PDIA2: variants seen among roughly 807,000 people sequenced by gnomAD.
The protein encoded by PDIA2 is protein disulfide isomerase family A member 2, also known as protein disulfide-isomerase A2.
PDIA2 carries 76 observed loss-of-function variants against 51.1 expected under a neutral mutation model. That is an observed-to-expected ratio of 1.49 (90% CI 1.24 to 1.80). The LOEUF is 1.80. Ranked by LOEUF, PDIA2 falls within the 40% of genes most tolerant of loss-of-function variation. The pLI is 0.00. For missense variants in PDIA2, 946 were observed against 706.5 expected, an observed-to-expected ratio of 1.34 and a Z score of -3.84; for synonymous variants, 429 against 309.9, an observed-to-expected ratio of 1.38 and a Z score of -4.04.
In PDIA2 at chr16:286,764, G is replaced by A. The variant is rs768077231; in HGVS notation, c.1422+29G>A. 5 of 1,612,496 alleles carry A rather than the reference G, an allele frequency of 3.1e-6. No individual in the cohort carries two copies. The African/African-American group carries it at 6.7e-5, about 22-fold the overall frequency. On this transcript the variant is annotated intron_variant, in intron 9 of 10. Coordinates refer to ENST00000219406, the MANE Select transcript of PDIA2 (RefSeq NM_006849.4). The stretch of plus-strand genomic sequence containing the variant: ...TGGCGGACAGGTGGCTGGGGAGGAA[G>A]CCGGGGTGCCATCTTGCTGGGCATG...
rs775911556 is a variant in PDIA2 at position 284,562 on chromosome 16, T to C, written c.375T>C (p.Asn125=). 1.9e-6 allele frequency: 3 copies of C among 1,612,692 alleles called. No homozygotes were observed. The highest frequency in any genetic ancestry group is 1.7e-5 in the Admixed American group (1 of 59,974). ...ACCCTACGCTCAAGTTCTTCCGCAA[T>C]GGGAACCGCACGCACCCGGAGGAGT... The part of the protein sequence containing the change: ...TEYPTLKFFR[N]GNRTHPEEYT... Residue 125 remains asparagine (N), a synonymous_variant, in exon 2 of 11, where the codon AAT becomes AAC. Coordinates refer to ENST00000219406, the MANE Select transcript of PDIA2 (RefSeq NM_006849.4).
chr16:284,419 GCCC>G lies in PDIA2; in HGVS notation c.235_237del (p.Pro79del), dbSNP rs769802899. On this transcript the variant is annotated inframe_deletion, in exon 2 of 11. Coordinates refer to ENST00000219406, the MANE Select transcript of PDIA2 (RefSeq NM_006849.4). ...GTGGTGTGGGCACTGCCAGGCCCTG[GCCC>G]CCGAGTACAGCAAGGCAGCTGCCGT... The G allele has an allele frequency of 1.3e-6, 2 of 1,578,040 alleles. No homozygotes were observed. The highest frequency in any genetic ancestry group is 1.2e-5 in the South Asian group (1 of 86,848).
At position 284,947 on chromosome 16, in the gene PDIA2, C is replaced by T. The variant is rs1347526797; in HGVS notation, c.610C>T (p.Leu204Phe). Residue 204 changes from leucine (L) to phenylalanine (F), a missense_variant, in exon 4 of 11, where the codon CTC becomes TTC. By Grantham distance (22) the Leu-to-Phe change is conservative. Coordinates refer to ENST00000219406, the MANE Select transcript of PDIA2 (RefSeq NM_006849.4). ...GGACGCCCTGGACATGACCTTTGGC[C>T]TCACAGACCGGCCGCGGCTCTTTCA... ...AQDALDMTFGLTDRPRLFQQF... is the reference protein window; with the variant it reads ...AQDALDMTFGFTDRPRLFQQF... The T allele has an allele frequency of 1.2e-6, 2 of 1,613,266 alleles. No homozygotes were observed. The highest frequency in any genetic ancestry group is 1.1e-5 in the South Asian group (1 of 91,090).
At chr16:285,466 C>T (rs373558015) in intron 6 of PDIA2, 29 bp downstream of exon 6, 27 of 1,611,138 alleles carry the variant, frequency 1.7e-5, no homozygotes, top group South Asian at 6.6e-5. Context: ...AAAGGGGCAG[C>T]GGGAGAGTGG....
chr16:285,055 C>T (rs1325931110), intron 4 of PDIA2, 29 bp from the exon 5 acceptor site: 15 of 1,613,116 alleles, frequency 9.3e-6, no homozygotes, highest in East Asian at 2.2e-5. Context: ...CCGGCTGCAG[C>T]GCCCGCTAAC....
At position 286,681 on chromosome 16, in the gene PDIA2, C is replaced by T. The variant is rs200996655; in HGVS notation, c.1368C>T (p.Phe456=). ...LDATANELDA[F]AVHGFPTLKY... ...CCACGGCCAACGAGCTGGATGCCTT[C>T]GCTGTGCACGGCTTCCCTACTCTCA... The change falls in exon 9 of 11, where the codon TTC becomes TTT. Residue 456 remains phenylalanine, a synonymous_variant. Coordinates refer to ENST00000219406, the MANE Select transcript of PDIA2 (RefSeq NM_006849.4). 1,344 of 1,612,436 alleles carry T rather than the reference C, an allele frequency of 8.3e-4. 11 individuals are homozygous for T. Among genetic ancestry groups the T allele is most frequent in the South Asian group, 2.5e-3 (230 of 90,656 alleles).
rs762014910 is a variant in PDIA2 at position 286,337 on chromosome 16, T to G, written c.1120-16T>G. 5 of 1,560,174 alleles carry G rather than the reference T, an allele frequency of 3.2e-6. No homozygotes were observed. The highest frequency in any genetic ancestry group is 3.5e-6 in the Non-Finnish European group (4 of 1,151,394). ...CAGAGGACCCCTGGCAAAGCGCCTGTCCTGGTTTCCCCCAGCCCTATCTCC... is the reference window on the plus strand; with the variant it reads ...CAGAGGACCCCTGGCAAAGCGCCTGGCCTGGTTTCCCCCAGCCCTATCTCC... On this transcript the variant is annotated splice_polypyrimidine_tract_variant and intron_variant, in intron 7 of 10. Coordinates refer to ENST00000219406, the MANE Select transcript of PDIA2 (RefSeq NM_006849.4).
At position 286,952 on chromosome 16, in the gene PDIA2, G is replaced by A; in HGVS notation, c.1533+7G>A. The A allele has an allele frequency of 6.2e-7, 1 of 1,601,484 alleles. No homozygotes were observed. The highest frequency in any genetic ancestry group is 2.2e-5 in the East Asian group (1 of 44,674). The stretch of plus-strand genomic sequence containing the variant: ...GCCAGCAGCCCCGTTCCCGGTGGGT[G>A]TCCCTAAGCCAGGGCTCCAGGCCTC... On this transcript the variant is annotated splice_region_variant and intron_variant, in intron 10 of 10. Transcript: ENST00000219406.
In PDIA2 at chr16:285,444, G is replaced by C. The variant is rs899078712; in HGVS notation, c.921+7G>C. ...TCCCCGCTTCCGGGGGCAGGTACTG[G>C]GGGGCTGGGGGAAAGGGGCAGCGGG... On this transcript the variant is annotated splice_region_variant and intron_variant, in intron 6 of 10. Coordinates refer to ENST00000219406, the MANE Select transcript of PDIA2 (RefSeq NM_006849.4). 2 of 1,611,378 alleles carry C rather than the reference G, an allele frequency of 1.2e-6. No homozygotes were observed. Among genetic ancestry groups the C allele is most frequent in the Non-Finnish European group, 1.7e-6 (2 of 1,179,578 alleles).
intron 1 of PDIA2, among the ~76,000 whole-genome samples, chr16:283,596 C>G (rs1213851851): frequency 6.6e-6 from 1 of 152,226 alleles, no homozygotes; most frequent in Non-Finnish European, 1.5e-5. Context: ...TTGAGAACAC[C>G]TGTGCCTCCC....
Position 286,882 on chromosome 16 carries a change from C to T in PDIA2, c.1470C>T (p.Phe490=). 1 of 1,606,082 alleles carries T rather than the reference C, an allele frequency of 6.2e-7. No homozygotes were observed. The highest frequency in any genetic ancestry group is 1.3e-5 in the African/African-American group (1 of 74,526). ...STRDLETFSK[F]LDNGGVLPTE... Reference sequence around the variant, plus strand: ...GGGACCTGGAGACTTTCTCCAAGTTCCTGGACAACGGGGGCGTGCTGCCCA... The same window carrying T: ...GGGACCTGGAGACTTTCTCCAAGTTTCTGGACAACGGGGGCGTGCTGCCCA... Residue 490 remains phenylalanine, a synonymous_variant, in exon 10 of 11, where the codon TTC becomes TTT. Transcript: ENST00000219406.
At position 286,893 on chromosome 16, in the gene PDIA2, G is replaced by C; in HGVS notation, c.1481G>C (p.Gly494Ala). The C allele has an allele frequency of 6.2e-7, 1 of 1,603,764 alleles. No homozygotes were observed. Among genetic ancestry groups the C allele is most frequent in the Non-Finnish European group, 8.5e-7 (1 of 1,176,740 alleles). The change falls in exon 10 of 11, where the codon GGG becomes GCG. Residue 494 changes from glycine to alanine, a missense_variant. Gly to Ala is a moderately conservative substitution (Grantham distance 60). Transcript: ENST00000219406. ...ACTTTCTCCAAGTTCCTGGACAACGGGGGCGTGCTGCCCACGGAGGAGCCC... is the reference window on the plus strand; with the variant it reads ...ACTTTCTCCAAGTTCCTGGACAACGCGGGCGTGCTGCCCACGGAGGAGCCC... ...LETFSKFLDN[G>A]GVLPTEEPPE...
chr16:284,496 C>T lies in PDIA2; in HGVS notation c.309C>T (p.Pro103=), dbSNP rs943574427. The T allele has an allele frequency of 1.6e-5, 26 of 1,610,190 alleles. No homozygotes were observed. The highest frequency in any genetic ancestry group is 3.4e-5 in the Admixed American group (2 of 59,506). The part of the protein sequence containing the change: ...MVVTLAKVDG[P]AQRELAEEFG... ...TCACGCTGGCCAAGGTGGATGGGCC[C>T]GCGCAGCGCGAGCTGGCTGAGGAGT... is the stretch of plus-strand genomic sequence containing the variant. Residue 103 remains proline, a synonymous_variant, in exon 2 of 11, where the codon CCC becomes CCT. Coordinates refer to ENST00000219406, the MANE Select transcript of PDIA2 (RefSeq NM_006849.4).
chr16:284,964 G>T lies in PDIA2; in HGVS notation c.627G>T (p.Arg209=). ...CCTTTGGCCTCACAGACCGGCCGCG[G>T]CTCTTTCAGCAGTTTGGCCTCACCA... ...DMTFGLTDRP[R]LFQQFGLTKD... The change falls in exon 4 of 11, where the codon CGG becomes CGT. Residue 209 remains arginine, a synonymous_variant. Coordinates refer to ENST00000219406, the MANE Select transcript of PDIA2 (RefSeq NM_006849.4). 1 of 1,613,428 alleles carries T rather than the reference G, an allele frequency of 6.2e-7. No individual in the cohort carries two copies. The highest frequency in any genetic ancestry group is 8.5e-7 in the Non-Finnish European group (1 of 1,180,022).
chr16:285,547 C>T lies in PDIA2; in HGVS notation c.963C>T (p.His321=), dbSNP rs776202239. The change falls in exon 7 of 11, where the codon CAC becomes CAT. Residue 321 remains histidine (H), a synonymous_variant. Transcript: ENST00000219406. The stretch of plus-strand genomic sequence containing the variant: ...TGGACGTGGCGGCCGACAATGAGCA[C>T]GTGCTGCAGTACTTTGGACTCAAGG... ...VVVDVAADNE[H]VLQYFGLKAE... is the part of the protein sequence containing the mutation. 58 of 1,612,886 alleles carry T rather than the reference C, an allele frequency of 3.6e-5. No homozygotes were observed. Among genetic ancestry groups the T allele is most frequent in the South Asian group, 6.6e-5 (6 of 91,038 alleles).
chr16:285,496 C>T lies in PDIA2; in HGVS notation c.922-10C>T, dbSNP rs1342086418. ...GAGTGGCCGGTGCCAGCATGGACTC[C>T]CTGCCACAGGTGCTGTTCGTGGTGG... On this transcript the variant is annotated splice_polypyrimidine_tract_variant and intron_variant, in intron 6 of 10. Transcript: ENST00000219406. 5.0e-6 allele frequency: 8 copies of T among 1,612,354 alleles called. No individual in the cohort carries two copies. In the African/African-American group the frequency reaches 6.7e-5, roughly 13 times the overall value.
In PDIA2 at chr16:285,320, C is replaced by G; in HGVS notation, c.804C>G (p.Ala268=). Residue 268 remains alanine (A), a synonymous_variant, in exon 6 of 11, where the codon GCC becomes GCG. Coordinates refer to ENST00000219406, the MANE Select transcript of PDIA2 (RefSeq NM_006849.4). ...LVTEFNSQTS[A]KIFAARILNH... is the part of the protein sequence containing the mutation. ...CACCCTCCCTACTGTAGACGTCTGC[C>G]AAGATCTTCGCGGCCAGGATCCTCA... 1 of 1,612,860 alleles carries G rather than the reference C, an allele frequency of 6.2e-7. No homozygotes were observed. Among genetic ancestry groups the G allele is most frequent in the South Asian group, 1.1e-5 (1 of 91,064 alleles).
chr16:285,852 G>C, intron 7 of PDIA2, 149 bp downstream of exon 7: 1 of 875,832 alleles, frequency 1.1e-6, no homozygotes, highest in Non-Finnish European at 1.7e-6. Context: ...CAACCCGGCG[G>C]TTCTCCCAAC....
At chr16:283,415 G>C (rs771880805) in intron 1 of PDIA2, 47 bp downstream of exon 1, 2 of 1,516,156 alleles carry the variant, frequency 1.3e-6, no homozygotes, top group African/African-American at 2.8e-5. Flanking sequence ...GGGACCGGCA[G>C]AGCCCACCTG....
Sources: allele counts gnomAD v4.1 joint callset (sites outside exome capture counted in the v4.1 genomes callset), GRCh38; gene constraint gnomAD v4.1.1; transcripts MANE v1.5; gene names NCBI Gene and HGNC (gene_info 2026-07-23, HGNC 2026-07-21).